The following ACOX3 variants were observed in gnomAD, a reference collection of about 807,000 sequenced individuals.
ACOX3 encodes the protein peroxisomal acyl-coenzyme A oxidase 3.
Under a neutral mutation model 81.5 loss-of-function variants are expected in ACOX3, and 73 were observed. The ratio of observed to expected loss-of-function variants is 0.90; its 90% CI spans 0.74 to 1.09. The LOEUF (loss-of-function observed/expected upper bound fraction) is 1.09. Ranked by LOEUF, ACOX3 falls within the 50% of genes least tolerant of loss-of-function variation. The pLI is 0.00. For missense variants in ACOX3, 947 were observed against 928.0 expected, an observed-to-expected ratio of 1.02 and a Z score of -0.27; for synonymous variants, 387 against 375.1, an observed-to-expected ratio of 1.03 and a Z score of -0.37.
At chr4:8,364,788 G>A (rs534663343), downstream of ACOX3, among the ~76,000 whole-genome samples, 2 of 152,328 alleles carry the variant, frequency 1.3e-5, no homozygotes, top group African/African-American at 2.4e-5. This position sits in a 1 kb window ranked among gnomAD's most constrained non-coding sequence, Gnocchi z 5.0. Context: ...AAGGCTGGAC[G>A]AGACCACAAA....
In ACOX3 at chr4:8,394,665, C is replaced by T; in HGVS notation, c.1134G>A (p.Val378=). 1 of 1,613,896 alleles carries T rather than the reference C, an allele frequency of 6.2e-7. No homozygotes were observed. The highest frequency in any genetic ancestry group is 1.3e-5 in the African/African-American group (1 of 75,072). ...HFSKSLFLDL[V]ELQRGLASGD... Reference sequence around the variant, plus strand: ...CCGATGCAAGTCCTCGCTGGAGCTCCACCAGGTCCAGGAAGAGCGACTTGG... The same window carrying T: ...CCGATGCAAGTCCTCGCTGGAGCTCTACCAGGTCCAGGAAGAGCGACTTGG... Residue 378 remains valine (V), a synonymous_variant, in exon 10 of 18, where the codon GTG becomes GTA. Coordinates refer to ENST00000356406, the MANE Select transcript of ACOX3 (RefSeq NM_003501.3). This position sits in a 1 kb window ranked among gnomAD's most constrained non-coding sequence, Gnocchi z 5.9.
chr4:8,410,051 G>A (rs1721552215), intron 6 of ACOX3, among the ~76,000 whole-genome samples, 161 bp downstream of exon 6: 4 of 151,996 alleles, frequency 2.6e-5, no homozygotes, highest in African/African-American at 4.8e-5. Flanking sequence ...CACTGTGGGC[G>A]GGGCTATGGG....
intron 14 of ACOX3, 56 bp from the exon 15 acceptor site, chr4:8,375,208 C>G: frequency 1.4e-6 from 2 of 1,463,974 alleles, no homozygotes; most frequent in Non-Finnish European, 1.8e-6. Context: ...CGCCCAGATT[C>G]CCGGGGGAGG....
chr4:8,367,432 G>A (rs542325082), intron 17 of ACOX3, among the ~76,000 whole-genome samples: 4 of 152,210 alleles, frequency 2.6e-5, no homozygotes, highest in East Asian at 3.9e-4. Context: ...TCAGTGAGCC[G>A]AGATTGCACC....
Position 8,367,049 on chromosome 4 carries a change from T to A in ACOX3, c.2015A>T (p.Gln672Leu). The A allele has an allele frequency of 6.2e-7, 1 of 1,614,102 alleles. No homozygotes were observed. The highest frequency in any genetic ancestry group is 8.5e-7 in the Non-Finnish European group (1 of 1,180,004). The change falls in exon 18 of 18, where the codon CAG becomes CTG. Residue 672 changes from glutamine to leucine, a missense_variant. Transcript: ENST00000356406. ...TGCCCGCTCCAACACCTTGCTTTCC[T>A]GCAGGACAGCGCCCCAGAGGTTTTT... ...LYKNLWGAVLQESKVLERASW... is the reference protein window; with the variant it reads ...LYKNLWGAVLLESKVLERASW...
At chr4:8,365,979 G>A (rs1578837224), downstream of ACOX3, among the ~76,000 whole-genome samples, 1 of 152,138 alleles carries the variant, frequency 6.6e-6, no homozygotes, top group Non-Finnish European at 1.5e-5. Flanking sequence ...GTGTGGCCAC[G>A]GGGGTCAGGG....
At chr4:8,396,293 G>A (rs1262955561) in intron 9 of ACOX3, among the ~76,000 whole-genome samples, 2 of 152,136 alleles carry the variant, frequency 1.3e-5, no homozygotes, top group Admixed American at 6.5e-5. Context: ...AGTGTGCACA[G>A]GGCGTGCAAG....
chr4:8,417,855 A>G (rs992923663), intron 1 of ACOX3, among the ~76,000 whole-genome samples: 11 of 152,238 alleles, frequency 7.2e-5, no homozygotes, highest in Non-Finnish European at 1.3e-4. Context: ...ATCAGGAATC[A>G]AAGACGGGAC....
chr4:8,377,057 C>A (rs1214405857), intron 14 of ACOX3, among the ~76,000 whole-genome samples: 1 of 152,004 alleles, frequency 6.6e-6, no homozygotes, highest in African/African-American at 2.4e-5. Context: ...GCATCTGCAC[C>A]CCCGTAGGCT....
chr4:8,426,622 G>A lies in ACOX3; in HGVS notation c.-14-10087C>T, dbSNP rs564418170. Among the ~76,000 whole-genome samples the A allele has an allele frequency of 7.3e-5, 11 of 150,524 alleles. No individual in the cohort carries two copies. The South Asian group carries it at 1.7e-3, about 23-fold the overall frequency. ...TACCAAGAGCTTCTATGGAGAATGC[G>A]GCTTCCCAGAAATATTGATGCCCCA... is the stretch of plus-strand genomic sequence containing the variant. On this transcript the variant is annotated intron_variant, in intron 1 of 17. Coordinates refer to ENST00000356406, the MANE Select transcript of ACOX3 (RefSeq NM_003501.3).
chr4:8,402,717 C>T (rs1463152012), intron 7 of ACOX3, among the ~76,000 whole-genome samples: 3 of 152,300 alleles, frequency 2.0e-5, no homozygotes, highest in South Asian at 2.1e-4. Context: ...GAGACGTGTG[C>T]GTGTGTCACA....
At chr4:8,358,847 C>T in the ACOX3 span, among the ~76,000 whole-genome samples, 1 of 152,234 alleles carries the variant, frequency 6.6e-6, no homozygotes, top group African/African-American at 2.4e-5. Context: ...GGGCAACCAG[C>T]AGCCCTCAGG....
At chr4:8,373,135 C>T (rs939088906) in intron 16 of ACOX3, among the ~76,000 whole-genome samples, 3 of 152,170 alleles carry the variant, frequency 2.0e-5, no homozygotes, top group African/African-American at 4.8e-5. Context: ...CTGAGTCCCC[C>T]GAATGCTCAG....
intron 1 of ACOX3, among the ~76,000 whole-genome samples, chr4:8,427,514 C>G (rs1361617966): frequency 6.6e-6 from 1 of 152,228 alleles, no homozygotes; most frequent in African/African-American, 2.4e-5. Flanking sequence ...GTTGCTGCTC[C>G]CGGGCTAGAG....
chr4:8,437,438 C>T lies in ACOX3; in HGVS notation c.-15+3210G>A, dbSNP rs1049215868. ...TCACAGTAAGTGTAAAAAAGAGAAT[C>T]AGAAGAAAATGGGAGAGACAGCAGT... On this transcript the variant is annotated intron_variant, in intron 1 of 17. Transcript: ENST00000356406. The surrounding 1 kb of genome is among the most constrained non-coding windows in gnomAD (Gnocchi z 5.2). 6.6e-6 allele frequency among the ~76,000 whole-genome samples: 1 copy of T among 152,102 alleles called. No homozygotes were observed. The highest frequency in any genetic ancestry group is 1.5e-5 in the Non-Finnish European group (1 of 68,022).
intron 1 of ACOX3, among the ~76,000 whole-genome samples, chr4:8,418,872 A>G (rs933460830): frequency 2.0e-5 from 3 of 152,214 alleles, no homozygotes; most frequent in Admixed American, 1.3e-4. Context: ...AGAAAACAAA[A>G]CAAACAAACA....
At chr4:8,357,433 G>T in the ACOX3 span, 1 of 354,072 alleles carries the variant, frequency 2.8e-6, no homozygotes. Context: ...AATTGGAGGG[G>T]CAACTATTTC....
In ACOX3 at chr4:8,422,490, T is replaced by C. The variant is rs534409453; in HGVS notation, c.-14-5955A>G. On this transcript the variant is annotated intron_variant, in intron 1 of 17. Coordinates refer to ENST00000356406, the MANE Select transcript of ACOX3 (RefSeq NM_003501.3). ...AATGAACTTGGCAACCTCGGTTTTT[T>C]TCACAATAGAGATCAGGAGGAGCAG... Among the ~76,000 whole-genome samples the C allele has an allele frequency of 8.7e-4, 132 of 152,328 alleles. 1 individual carries two copies. Among genetic ancestry groups the C allele is most frequent in the African/African-American group, 3.1e-3 (130 of 41,572 alleles).
chr4:8,405,655 C>T lies in ACOX3; in HGVS notation c.776+300G>A, dbSNP rs899723178. ...GGAGGACCTCACACAGAGGAGGCAG[C>T]CCCCCAGGCAGGGGCCCCACCAGTT... On this transcript the variant is annotated intron_variant, in intron 7 of 17. Transcript: ENST00000356406. This position sits in a 1 kb window ranked among gnomAD's most constrained non-coding sequence, Gnocchi z 7.1. Among the ~76,000 whole-genome samples the T allele has an allele frequency of 1.3e-5, 2 of 152,160 alleles. No individual in the cohort carries two copies. Among genetic ancestry groups the T allele is most frequent in the Admixed American group, 1.3e-4 (2 of 15,282 alleles).
Sources: gnomAD v4.1 joint callset for allele counts (sites outside exome capture counted in the v4.1 genomes callset) on GRCh38, gnomAD v4.1.1 for gene constraint, Gnocchi (gnomAD v3.1) non-coding constraint, MANE v1.5 for transcripts, NCBI Gene and HGNC (gene_info 2026-07-23, HGNC 2026-07-21) for gene names.